The following RALYL variants were observed in gnomAD, a reference collection of about 807,000 sequenced individuals.
The protein encoded by RALYL is RNA-binding Raly-like protein.
In RALYL, 29 loss-of-function variants were observed where a neutral mutation model predicts 35.1. That is an observed-to-expected ratio of 0.83 (90% CI 0.61 to 1.13). The LOEUF (loss-of-function observed/expected upper bound fraction) is 1.13, where lower values mean the gene tolerates loss of function less well. Ranked by LOEUF, RALYL falls within the 50% of genes most tolerant of loss-of-function variation. The probability of loss-of-function intolerance (pLI) is 0.00; values close to 1 mark genes in which losing one functional copy is unlikely to be tolerated. For synonymous variants in RALYL, 120 were observed against 127.6 expected (o/e 0.94, Z 0.40); for missense variants, 359 against 360.4 (o/e 1.00, Z 0.03).
intron 1 of RALYL, among the ~76,000 whole-genome samples, chr8:84,269,969 T>C (rs1833995259): frequency 6.6e-6 from 1 of 152,148 alleles, no homozygotes; most frequent in East Asian, 1.9e-4. Flanking sequence ...AACTAGTTTC[T>C]GATTGTATAA....
At chr8:84,294,486 G>C (rs1346679402) in intron 1 of RALYL, among the ~76,000 whole-genome samples, 1 of 152,068 alleles carries the variant, frequency 6.6e-6, no homozygotes, top group Non-Finnish European at 1.5e-5. Context: ...GCTGGGCAGG[G>C]AGTTTACTAA....
chr8:84,501,012 C>G (rs550672419), intron 1 of RALYL, among the ~76,000 whole-genome samples: 1 of 152,152 alleles, frequency 6.6e-6, no homozygotes, highest in Admixed American at 6.5e-5. Flanking sequence ...TCTGTGAGTA[C>G]TTTTGAGATT....
chr8:84,343,960 C>CTG (rs1188775579), intron 1 of RALYL, among the ~76,000 whole-genome samples: 1 of 151,760 alleles, frequency 6.6e-6, no homozygotes, highest in Non-Finnish European at 1.5e-5. Flanking sequence ...TGGATATGAC[C>CTG]TGCGGTGATA....
intron 4 of RALYL, among the ~76,000 whole-genome samples, chr8:84,812,068 A>G (rs1298012134): frequency 2.0e-5 from 3 of 152,044 alleles, no homozygotes; most frequent in African/African-American, 7.2e-5. Flanking sequence ...GGGGTGTTTA[A>G]GAGCCTGTTT....
rs566169738 is a variant in RALYL at position 84,280,034 on chromosome 8, G to A, written c.-24+95610G>A. 2.8e-4 allele frequency among the ~76,000 whole-genome samples: 43 copies of A among 152,298 alleles called. No individual in the cohort carries two copies. In the South Asian group the frequency reaches 8.5e-3, roughly 30 times the overall value. On this transcript the variant is annotated intron_variant, in intron 1 of 8. Transcript: ENST00000521268. ...GAGTGGACAGGGCATTGTCAGATTG[G>A]ATGTTCATGGTTGGTTTATTTGAAG...
Position 84,185,068 on chromosome 8 carries a change from A to T in RALYL, c.-24+644A>T, listed in dbSNP as rs1467238794. On this transcript the variant is annotated intron_variant, in intron 1 of 8. Coordinates refer to ENST00000521268, the MANE Select transcript of RALYL (RefSeq NM_173848.7). ...ACCAAAGGGCTTTGCTTTCTTAGGG[A>T]TGCTGTCTTTGGATCTTTTTTTTCC... 4 of 1,589,264 alleles carry T rather than the reference A, an allele frequency of 2.5e-6. No individual in the cohort carries two copies. In the East Asian group the frequency reaches 6.7e-5, roughly 27 times the overall value.
intron 3 of RALYL, among the ~76,000 whole-genome samples, chr8:84,789,965 T>G (rs1820409751): frequency 6.6e-6 from 1 of 152,238 alleles, no homozygotes; most frequent in Non-Finnish European, 1.5e-5. Context: ...GGTATCCATT[T>G]TAACTGAAAA....
intron 1 of RALYL, among the ~76,000 whole-genome samples, chr8:84,225,601 C>A (rs545905120): frequency 5.9e-5 from 9 of 152,292 alleles, no homozygotes; most frequent in Non-Finnish European, 1.2e-4. Context: ...CATGAAATTT[C>A]TTTCCTCAGC....
At chr8:84,427,709 T>C (rs2046653290) in intron 1 of RALYL, among the ~76,000 whole-genome samples, 1 of 152,194 alleles carries the variant, frequency 6.6e-6, no homozygotes, top group African/African-American at 2.4e-5. Flanking sequence ...TCTCCTGTTC[T>C]ACTGCTATCT....
intron 2 of RALYL, among the ~76,000 whole-genome samples, chr8:84,669,299 G>A (rs924727594): frequency 4.6e-5 from 7 of 152,016 alleles, no homozygotes; most frequent in African/African-American, 1.7e-4. Context: ...CTCTGGGCTT[G>A]GGCAGGGCCA....
chr8:84,343,343 T>G (rs78643794), intron 1 of RALYL, among the ~76,000 whole-genome samples: 2,685 of 152,216 alleles, frequency 0.018, 40 homozygotes, highest in Middle Eastern at 0.044. Context: ...ACATCCTCCT[T>G]GCACTTTGAA....
chr8:84,430,903 A>G (rs1003840130), intron 1 of RALYL, among the ~76,000 whole-genome samples: 1 of 152,130 alleles, frequency 6.6e-6, no homozygotes, highest in Non-Finnish European at 1.5e-5. Context: ...CATACCGTCA[A>G]TGACAGAGTG....
intron 2 of RALYL, among the ~76,000 whole-genome samples, chr8:84,742,264 A>G (rs1450389189): frequency 1.3e-5 from 2 of 151,966 alleles, no homozygotes; most frequent in Admixed American, 1.3e-4. Flanking sequence ...TTTTCTGCCA[A>G]CAAGAATCAG....
chr8:84,617,199 C>T (rs1819957949), intron 2 of RALYL, among the ~76,000 whole-genome samples: 3 of 151,286 alleles, frequency 2.0e-5, no homozygotes, highest in Admixed American at 6.6e-5. Context: ...GCCATTTTCA[C>T]GATATTGATT....
chr8:84,801,762 A>G (rs2133977643), intron 3 of RALYL, among the ~76,000 whole-genome samples: 1 of 152,328 alleles, frequency 6.6e-6, no homozygotes, highest in East Asian at 1.9e-4. Context: ...AAAGAATGAC[A>G]TGGAAAACTG....
intron 2 of RALYL, among the ~76,000 whole-genome samples, chr8:84,732,329 C>A (rs921396223): frequency 4.6e-5 from 7 of 152,060 alleles, no homozygotes; most frequent in African/African-American, 1.4e-4. Context: ...TAAATTCTAG[C>A]TTCTCCATTT....
intron 3 of RALYL, among the ~76,000 whole-genome samples, chr8:84,792,118 T>A (rs900479171): frequency 3.3e-5 from 5 of 152,244 alleles, no homozygotes; most frequent in African/African-American, 4.8e-5. Flanking sequence ...AGTGCACTCC[T>A]TTAGCCTTGC....
chr8:84,414,762 T>C (rs1387139008), intron 1 of RALYL, among the ~76,000 whole-genome samples: 2 of 152,214 alleles, frequency 1.3e-5, no homozygotes, highest in Non-Finnish European at 2.9e-5. Context: ...TGCTTATACT[T>C]TATTTTTCCT....
chr8:84,223,152 C>T (rs575502174), intron 1 of RALYL, among the ~76,000 whole-genome samples: 1 of 132,558 alleles, frequency 7.5e-6, no homozygotes, highest in South Asian at 2.4e-4. Context: ...CCTTTCCTTT[C>T]CTTTCTTTCC....
Sources: gnomAD v4.1 joint callset for allele counts (sites outside exome capture counted in the v4.1 genomes callset) on GRCh38, gnomAD v4.1.1 for gene constraint, MANE v1.5 for transcripts, NCBI Gene and HGNC (gene_info 2026-07-23, HGNC 2026-07-21) for gene names.